Variants in PTP4A3 observed in about 807,000 individuals in gnomAD.
PTP4A3 encodes the protein protein tyrosine phosphatase type IVA 3.
In PTP4A3, 9 loss-of-function variants were observed where a neutral mutation model predicts 15.2. The observed-to-expected ratio is 0.59, with a 90% CI of 0.36 to 1.03. The LOEUF (loss-of-function observed/expected upper bound fraction) is 1.03. PTP4A3 is among the 50% of genes least tolerant of loss of function. The pLI is 0.02. For missense variants in PTP4A3, 234 were observed against 252.1 expected, an observed-to-expected ratio of 0.93 and a Z score of 0.49; for synonymous variants, 95 against 102.0, an observed-to-expected ratio of 0.93 and a Z score of 0.41.
chr8:141,417,180 G>A (rs554249795), intron 1 of PTP4A3, among the ~76,000 whole-genome samples: 1 of 152,322 alleles, frequency 6.6e-6, no homozygotes, highest in East Asian at 1.9e-4. Flanking sequence ...GGGCATCAGT[G>A]CCGAGCCTCA....
Position 141,426,877 on chromosome 8 carries a change from C to T in PTP4A3, c.199-62C>T, listed in dbSNP as rs1045565508. 1.5e-5 allele frequency: 24 copies of T among 1,568,762 alleles called. No homozygotes were observed. In the East Asian group the frequency reaches 5.0e-4, roughly 33 times the overall value. ...TCAGAGCTCCCTTTCCTCGCCTGAG[C>T]CCCAGAGCCGCCTCTCTACCCTCCC... On this transcript the variant is annotated intron_variant, in intron 3 of 5. Coordinates refer to ENST00000521578, the MANE Select transcript of PTP4A3 (RefSeq NM_032611.3).
intron 1 of PTP4A3, among the ~76,000 whole-genome samples, chr8:141,417,360 G>A (rs562112817): frequency 6.6e-6 from 1 of 152,330 alleles, no homozygotes; most frequent in South Asian, 2.1e-4. Context: ...CTGGCACGGT[G>A]GGTGCTGAGT....
At chr8:141,418,582 G>C (rs1244142366) in intron 1 of PTP4A3, among the ~76,000 whole-genome samples, 2 of 152,224 alleles carry the variant, frequency 1.3e-5, no homozygotes, top group Non-Finnish European at 2.9e-5. Flanking sequence ...CTGCTGGCCC[G>C]AGGAGGCTGA....
intron 1 of PTP4A3, among the ~76,000 whole-genome samples, chr8:141,395,707 C>T (rs534579123): frequency 7.5e-6 from 1 of 134,218 alleles, no homozygotes; most frequent in Non-Finnish European, 1.5e-5. Flanking sequence ...CTGCAGCCCC[C>T]GTTCATCTAC....
Position 141,425,199 on chromosome 8 carries a change from G to GGGCC in PTP4A3, c.198+61_198+62insCCGG. On this transcript the variant is annotated intron_variant, in intron 3 of 5. Coordinates refer to ENST00000521578, the MANE Select transcript of PTP4A3 (RefSeq NM_032611.3). The surrounding 1 kb of genome is among the most constrained non-coding windows in gnomAD (Gnocchi z 4.2). ...CTGCCACCGGGGGAGGGTGGGGCGG[G>GGGCC]GGGCTCCGGGCCTGCGCAGAGGGTT... The GGGCC allele has an allele frequency of 1.2e-6, 1 of 844,218 alleles. No individual in the cohort carries two copies. Among genetic ancestry groups the GGGCC allele is most frequent in the Non-Finnish European group, 2.0e-6 (1 of 504,296 alleles). The allele number at this position is 844,218 out of a possible 1,614,324, so 52.3% of individuals were successfully genotyped here.
chr8:141,428,683 G>C (rs548304314), intron 5 of PTP4A3, among the ~76,000 whole-genome samples: 2 of 152,282 alleles, frequency 1.3e-5, no homozygotes, highest in Admixed American at 6.5e-5. Context: ...TGGCCTGCAG[G>C]TGCTCAGGTC....
chr8:141,401,632 C>T (rs936074488), intron 1 of PTP4A3, among the ~76,000 whole-genome samples: 23 of 152,214 alleles, frequency 1.5e-4, no homozygotes, highest in African/African-American at 5.5e-4. Flanking sequence ...CTTGTTTACC[C>T]CTCCCCCTGG....
intron 5 of PTP4A3, 37 bp downstream of exon 5, chr8:141,427,861 TG>T: frequency 1.3e-6 from 2 of 1,526,504 alleles, no homozygotes; most frequent in South Asian, 1.2e-5. Context: ...CTGTGAGCGC[TG>T]GGGGAGGGGA....
At position 141,432,253 on chromosome 8, in the gene PTP4A3, G is replaced by A. The variant is rs955409197; in HGVS notation, c.*1209G>A. The stretch of plus-strand genomic sequence containing the variant: ...GGGCAGGTGCTGGAGGAGGTCAGTG[G>A]ACAAGATGGGGAGATGTGGAAACCC... On this transcript the variant is annotated 3_prime_UTR_variant, in exon 6 of 6. Transcript: ENST00000521578. 1.3e-5 allele frequency: 2 copies of A among 152,212 alleles called. No homozygotes were observed. The highest frequency in any genetic ancestry group is 2.9e-5 in the Non-Finnish European group (2 of 68,056). The allele number at this position is 152,212 out of a possible 1,614,324, so 9.4% of individuals were successfully genotyped here.
At chr8:141,411,655 T>C (rs1832872567) in intron 1 of PTP4A3, among the ~76,000 whole-genome samples, 1 of 152,212 alleles carries the variant, frequency 6.6e-6, no homozygotes, top group Non-Finnish European at 1.5e-5. Context: ...GTCAGAGCTC[T>C]TTCCCGCGGT....
rs141635149 is a variant in PTP4A3, at chr8:141,409,042, T to C, written c.-853-12346T>C. On this transcript the variant is annotated intron_variant, in intron 1 of 5. Transcript: ENST00000521578. ...CTCATCTGGGTGGACTGGTGGGGCA[T>C]TTGATTCTGGAGGGTGGGGTTCCAG... is the stretch of plus-strand genomic sequence containing the variant. Among the ~76,000 whole-genome samples the C allele has an allele frequency of 4.1e-3, 624 of 152,256 alleles. 8 individuals are homozygous for C. Among genetic ancestry groups the C allele is most frequent in the Middle Eastern group, 0.014 (4 of 294 alleles).
intron 1 of PTP4A3, among the ~76,000 whole-genome samples, chr8:141,420,300 G>A (rs796738513): frequency 3.9e-5 from 6 of 152,166 alleles, no homozygotes; most frequent in Admixed American, 3.9e-4. Flanking sequence ...CCAGCAGTGC[G>A]GGGACCCCTC....
intron 5 of PTP4A3, among the ~76,000 whole-genome samples, chr8:141,428,806 ACACT>A (rs59803581): frequency 0.21 from 31,504 of 152,094 alleles, 3,603 homozygotes; most frequent in African/African-American, 0.31. Context: ...ACGCAGGCAC[ACACT>A]CACAGGCAGG....
At chr8:141,427,951 G>C in intron 5 of PTP4A3, 127 bp downstream of exon 5, 1 of 927,530 alleles carries the variant, frequency 1.1e-6, no homozygotes, top group Admixed American at 2.8e-5. Flanking sequence ...AGCACAAGCT[G>C]GGCCTTGCTG....
At chr8:141,396,820 T>C (rs1171275734) in intron 1 of PTP4A3, among the ~76,000 whole-genome samples, 2 of 152,144 alleles carry the variant, frequency 1.3e-5, no homozygotes, top group African/African-American at 4.8e-5. Context: ...AGGGGCTGCA[T>C]GTGTGGAGCC....
At chr8:141,426,154 C>T (rs1833568683) in intron 3 of PTP4A3, among the ~76,000 whole-genome samples, 2 of 152,132 alleles carry the variant, frequency 1.3e-5, no homozygotes, top group African/African-American at 4.8e-5. Context: ...GTGTGTCTGC[C>T]TCAGTGGGCC....
intron 1 of PTP4A3, among the ~76,000 whole-genome samples, chr8:141,409,341 G>T (rs1586544879): frequency 2.0e-5 from 3 of 152,310 alleles, no homozygotes; most frequent in Admixed American, 2.0e-4. Context: ...TCCATCCCCA[G>T]ATCCACCCTT....
At position 141,428,621 on chromosome 8, in the gene PTP4A3, G is replaced by A. The variant is rs61326341; in HGVS notation, c.404+797G>A. On this transcript the variant is annotated intron_variant, in intron 5 of 5. Transcript: ENST00000521578. Reference sequence around the variant, plus strand: ...GTGGGTCTGTGTGAGAGTGTGGCCCGCCCTGTGGGTCTGCGAGAGCGTGGC... The same window carrying A: ...GTGGGTCTGTGTGAGAGTGTGGCCCACCCTGTGGGTCTGCGAGAGCGTGGC... Among the ~76,000 whole-genome samples the A allele has an allele frequency of 1.5e-4, 23 of 151,954 alleles. No individual in the cohort carries two copies. In the East Asian group the frequency reaches 1.7e-3, roughly 12 times the overall value.
chr8:141,424,416 A>G (rs1396175041), intron 2 of PTP4A3, among the ~76,000 whole-genome samples: 1 of 151,974 alleles, frequency 6.6e-6, no homozygotes, highest in Non-Finnish European at 1.5e-5. Flanking sequence ...CTGCCATCTG[A>G]GCGGTGCCCA....
Sources: gnomAD v4.1 joint callset for allele counts (sites outside exome capture counted in the v4.1 genomes callset) on GRCh38, gnomAD v4.1.1 for gene constraint, Gnocchi (gnomAD v3.1) non-coding constraint, MANE v1.5 for transcripts, NCBI Gene and HGNC (gene_info 2026-07-23, HGNC 2026-07-21) for gene names.